The following DOK5 variants were observed in gnomAD, a reference collection of about 807,000 sequenced individuals.
DOK5 encodes the protein docking protein 5.
Under a neutral mutation model 43.3 loss-of-function variants are expected in DOK5, and 27 were observed. That is an observed-to-expected ratio of 0.62 (90% confidence interval 0.46 to 0.86). The LOEUF is 0.86. Ranked by LOEUF, DOK5 falls within the 40% of genes least tolerant of loss-of-function variation. The pLI, the probability that DOK5 is intolerant of heterozygous loss-of-function variation, is 0.00. For missense variants in DOK5, 373 were observed against 392.9 expected, an observed-to-expected ratio of 0.95 and a Z score of 0.43; for synonymous variants, 146 against 140.1, an observed-to-expected ratio of 1.04 and a Z score of -0.30.
intron 5 of DOK5, among the ~76,000 whole-genome samples, chr20:54,601,390 A>T (rs758874119): frequency 6.6e-5 from 10 of 152,272 alleles, no homozygotes; most frequent in Non-Finnish European, 1.5e-4. Flanking sequence ...ACAAGGAGAC[A>T]GATCATATCA....
At chr20:54,552,192 C>T (rs899738105) in intron 1 of DOK5, among the ~76,000 whole-genome samples, 26 of 152,134 alleles carry the variant, frequency 1.7e-4, no homozygotes, top group African/African-American at 5.6e-4. Context: ...TCTATTCTCA[C>T]GATCCAGAGA....
At chr20:54,629,364 C>A (rs1415364548) in intron 6 of DOK5, among the ~76,000 whole-genome samples, 4 of 152,032 alleles carry the variant, frequency 2.6e-5, no homozygotes, top group African/African-American at 9.7e-5. Flanking sequence ...CAAAATAAAG[C>A]ACTTGGATTA....
chr20:54,634,154 C>T (rs1471978140), intron 6 of DOK5, among the ~76,000 whole-genome samples: 1 of 152,170 alleles, frequency 6.6e-6, no homozygotes, highest in Non-Finnish European at 1.5e-5. Flanking sequence ...AAGCTATGCG[C>T]AGTGGTCCGG....
chr20:54,484,593 C>T lies in DOK5; in HGVS notation c.66+8581C>T, dbSNP rs557259758. ...GATACAATTAAGATATAGAACATTT[C>T]ATCCCCTGGAGGATCCTTCACAGTC... On this transcript the variant is annotated intron_variant, in intron 1 of 7. Transcript: ENST00000262593. Among the ~76,000 whole-genome samples the T allele has an allele frequency of 3.3e-5, 5 of 152,310 alleles. 1 individual carries two copies. The East Asian group carries it at 9.6e-4, about 29-fold the overall frequency.
chr20:54,495,135 T>A (rs568427754), intron 1 of DOK5: 1 of 151,376 alleles, frequency 6.6e-6, no homozygotes, highest in African/African-American at 2.4e-5. Context: ...GAAAAAAAAA[T>A]AAAAAAGAAA....
At chr20:54,495,886 A>G (rs1982371951) in intron 1 of DOK5, among the ~76,000 whole-genome samples, 1 of 143,860 alleles carries the variant, frequency 7.0e-6, no homozygotes, top group Admixed American at 6.7e-5. Flanking sequence ...CATCTCAAAG[A>G]AAAAAAAAAT....
At chr20:54,587,181 G>A (rs1378893688) in intron 2 of DOK5, among the ~76,000 whole-genome samples, 2 of 152,194 alleles carry the variant, frequency 1.3e-5, no homozygotes, top group African/African-American at 4.8e-5. Flanking sequence ...GGCACTTGGT[G>A]TAGTTGGAGA....
intron 7 of DOK5, among the ~76,000 whole-genome samples, chr20:54,644,712 A>AAAAAAAAAAAAAC (rs1979302478): frequency 1.5e-5 from 2 of 130,702 alleles, no homozygotes; most frequent in Non-Finnish European, 3.1e-5. Flanking sequence ...TCTCAAAAAA[A>AAAAAAAAAAAAAC]AAAAAAAAAA....
At chr20:54,633,871 T>C (rs1288590658) in intron 6 of DOK5, among the ~76,000 whole-genome samples, 1 of 152,204 alleles carries the variant, frequency 6.6e-6, no homozygotes, top group African/African-American at 2.4e-5. Flanking sequence ...ATGGTACTCA[T>C]GATTGACTGT....
At chr20:54,530,117 G>C (rs1314462335) in intron 1 of DOK5, among the ~76,000 whole-genome samples, 2 of 152,190 alleles carry the variant, frequency 1.3e-5, no homozygotes, top group Admixed American at 1.3e-4. Flanking sequence ...ATGACCAACT[G>C]TTTAAATCAT....
At chr20:54,505,296 C>T (rs1600667887) in intron 1 of DOK5, among the ~76,000 whole-genome samples, 1 of 152,142 alleles carries the variant, frequency 6.6e-6, no homozygotes, top group South Asian at 2.1e-4. Context: ...CACAGCCATA[C>T]CCATTAGTTT....
At chr20:54,533,579 A>T (rs1191045409) in intron 1 of DOK5, among the ~76,000 whole-genome samples, 2 of 152,234 alleles carry the variant, frequency 1.3e-5, no homozygotes, top group Admixed American at 1.3e-4. Flanking sequence ...AGTATTGGGT[A>T]CCTTATACAC....
At chr20:54,564,707 T>A (rs1404400789) in intron 2 of DOK5, among the ~76,000 whole-genome samples, 1 of 152,216 alleles carries the variant, frequency 6.6e-6, no homozygotes, top group Non-Finnish European at 1.5e-5. Flanking sequence ...TTGTAACATC[T>A]ACGGGGGCAG....
intron 1 of DOK5, among the ~76,000 whole-genome samples, chr20:54,545,131 G>T (rs1217876627): frequency 6.6e-6 from 1 of 152,234 alleles, no homozygotes; most frequent in Non-Finnish European, 1.5e-5. Flanking sequence ...TTAAAGGCAA[G>T]ATGAGGGCTG....
At position 54,536,977 on chromosome 20, in the gene DOK5, T is replaced by C. The variant is rs543080794; in HGVS notation, c.67-17956T>C. Among the ~76,000 whole-genome samples, 100 of 152,352 alleles carry C rather than the reference T, an allele frequency of 6.6e-4. 3 individuals are homozygous for C. In the South Asian group the frequency reaches 0.014, roughly 21 times the overall value. On this transcript the variant is annotated intron_variant, in intron 1 of 7. Transcript: ENST00000262593. ...TCAGTAGGAATGAGGTGCTCCTTCC[T>C]TCCCCACTAGGGTGGTGTCAGAGGA... is the stretch of plus-strand genomic sequence containing the variant.
At chr20:54,637,966 C>CA (rs1159476940) in intron 6 of DOK5, among the ~76,000 whole-genome samples, 1 of 152,060 alleles carries the variant, frequency 6.6e-6, no homozygotes, top group Non-Finnish European at 1.5e-5. Flanking sequence ...ACTAAAAATA[C>CA]AAATAATCAG....
At chr20:54,594,916 T>C (rs1196171229) in intron 5 of DOK5, among the ~76,000 whole-genome samples, 1 of 152,222 alleles carries the variant, frequency 6.6e-6, no homozygotes, top group African/African-American at 2.4e-5. Context: ...GGTGATTACT[T>C]AAAAGACCTC....
At chr20:54,586,051 G>A (rs1158094070) in intron 2 of DOK5, among the ~76,000 whole-genome samples, 1 of 152,214 alleles carries the variant, frequency 6.6e-6, no homozygotes, top group Non-Finnish European at 1.5e-5. Flanking sequence ...TTGAACCTGG[G>A]AGGTGGAGGT....
intron 1 of DOK5, among the ~76,000 whole-genome samples, chr20:54,487,893 G>A (rs938345590): frequency 5.9e-5 from 9 of 152,124 alleles, no homozygotes; most frequent in Admixed American, 1.3e-4. Context: ...AGCAAGTCTC[G>A]TCAATGGACT....
Sources: gnomAD v4.1 joint callset for allele counts (sites outside exome capture counted in the v4.1 genomes callset) on GRCh38, gnomAD v4.1.1 for gene constraint, MANE v1.5 for transcripts, NCBI Gene and HGNC (gene_info 2026-07-23, HGNC 2026-07-21) for gene names.